DDX52: variants seen among roughly 807,000 people sequenced by gnomAD.
DDX52 encodes the protein DExD-box helicase 52, also known as probable ATP-dependent RNA helicase DDX52.
DDX52 carries 59 observed loss-of-function variants against 76.1 expected under a neutral mutation model. The observed-to-expected ratio is 0.78, with a 90% CI of 0.63 to 0.96. The LOEUF (loss-of-function observed/expected upper bound fraction) is 0.96, where lower values mean the gene tolerates loss of function less well. Among genes scored for constraint, DDX52 ranks in the 40% least tolerant of loss-of-function variants. DDX52 has a pLI of 0.00. For synonymous variants in DDX52, 231 were observed against 244.1 expected (o/e 0.95, Z 0.50); for missense variants, 707 against 703.9 (o/e 1.00, Z -0.05).
chr17:37,625,136 G>C (rs545970860), intron 8 of DDX52, among the ~76,000 whole-genome samples: 2 of 152,112 alleles, frequency 1.3e-5, no homozygotes, highest in South Asian at 2.1e-4. Flanking sequence ...CTCCCAAGTA[G>C]CTGGGATTAC....
Position 37,611,309 on chromosome 17 carries a change from ATGTG to A in DDX52, c.*2983_*2986del. The A allele has an allele frequency of 6.6e-6, 1 of 152,350 alleles. No individual in the cohort carries two copies. Among genetic ancestry groups the A allele is most frequent in the African/African-American group, 2.4e-5 (1 of 41,574 alleles). 9.4% of individuals were successfully genotyped at this position (152,350 alleles called of 1,614,324 possible). ...CCTGACCTTTTGTATGCCTAGCATA[ATGTG>A]TGTGTTTGTGCCATGGTTTTTAACA... On this transcript the variant is annotated 3_prime_UTR_variant, in exon 15 of 15. Transcript: ENST00000617633.
chr17:37,611,353 G>A lies in DDX52; in HGVS notation c.*2943C>T, dbSNP rs1401741409. Reference sequence around the variant, plus strand: ...GGTTTTTAACAAAAAAGTTTTAGAAGTAAATAGTAAAACAAAACAAACAAA... The same window carrying A: ...GGTTTTTAACAAAAAAGTTTTAGAAATAAATAGTAAAACAAAACAAACAAA... On this transcript the variant is annotated 3_prime_UTR_variant, in exon 15 of 15. Transcript: ENST00000617633. 1 of 151,772 alleles carries A rather than the reference G, an allele frequency of 6.6e-6. No individual in the cohort carries two copies. Among genetic ancestry groups the A allele is most frequent in the African/African-American group, 2.4e-5 (1 of 41,232 alleles). The allele number at this position is 151,772 out of a possible 1,614,324, so 9.4% of individuals were successfully genotyped here. A position where few individuals can be genotyped will look rare whatever the true frequency, so the allele number is the denominator to read the frequency against.
At chr17:37,623,127 C>T (rs1433185410) in intron 9 of DDX52, among the ~76,000 whole-genome samples, 1 of 152,214 alleles carries the variant, frequency 6.6e-6, no homozygotes, top group Non-Finnish European at 1.5e-5. Flanking sequence ...AATGTCTCAC[C>T]ACTAAGGCTG....
chr17:37,630,264 C>G, intron 4 of DDX52, 91 bp from the exon 5 acceptor site: 1 of 1,310,928 alleles, frequency 7.6e-7, no homozygotes, highest in East Asian at 2.5e-5. Context: ...TAGAAAAAAA[C>G]AAATACAATT....
intron 2 of DDX52, among the ~76,000 whole-genome samples, chr17:37,636,600 G>A (rs910258769): frequency 1.3e-5 from 2 of 152,184 alleles, no homozygotes; most frequent in Non-Finnish European, 2.9e-5. Context: ...TTTGAAAACA[G>A]CAACATGAAT....
chr17:37,643,130 C>G lies in DDX52; in HGVS notation c.87+204G>C, dbSNP rs1238498394. The G allele has an allele frequency of 1.0e-5, 5 of 485,194 alleles. No homozygotes were observed. The South Asian group carries it at 1.3e-4, about 12-fold the overall frequency. The allele number at this position is 485,194 out of a possible 1,614,324, so 30.1% of individuals were successfully genotyped here. Reference sequence around the variant, plus strand: ...GTGCCAGGCCCAACTAGGTCTACAACAGGATAGTTAAAGAGCTTATTCAAA... The same window carrying G: ...GTGCCAGGCCCAACTAGGTCTACAAGAGGATAGTTAAAGAGCTTATTCAAA... On this transcript the variant is annotated intron_variant, in intron 1 of 14. Transcript: ENST00000617633.
At chr17:37,625,233 T>C (rs1382553267) in intron 8 of DDX52, among the ~76,000 whole-genome samples, 4 of 152,150 alleles carry the variant, frequency 2.6e-5, no homozygotes, top group African/African-American at 7.2e-5. Flanking sequence ...CCTCAGGCGA[T>C]CTACCTGCCT....
rs1280217264 is a variant in DDX52, at chr17:37,612,939, A to G, written c.*1357T>C. ...ATCTGTTTGCATGAACAAACAAAAAAATCATATTCTTGTAAGTATTTTTAC... is the reference window on the plus strand; with the variant it reads ...ATCTGTTTGCATGAACAAACAAAAAGATCATATTCTTGTAAGTATTTTTAC... On this transcript the variant is annotated 3_prime_UTR_variant, in exon 15 of 15. Coordinates refer to ENST00000617633, the MANE Select transcript of DDX52 (RefSeq NM_007010.5). 1 of 152,202 alleles carries G rather than the reference A, an allele frequency of 6.6e-6. No individual in the cohort carries two copies. The highest frequency in any genetic ancestry group is 1.5e-5 in the Non-Finnish European group (1 of 68,018). 9.4% of individuals were successfully genotyped at this position (152,202 alleles called of 1,614,324 possible).
At chr17:37,617,067 T>C (rs910733396) in intron 14 of DDX52, among the ~76,000 whole-genome samples, 2 of 152,200 alleles carry the variant, frequency 1.3e-5, no homozygotes, top group Non-Finnish European at 2.9e-5. Context: ...AAAGCCAGTC[T>C]CTAATTTTCT....
chr17:37,622,591 G>A (rs2030160413), intron 9 of DDX52, among the ~76,000 whole-genome samples: 1 of 152,102 alleles, frequency 6.6e-6, no homozygotes, highest in African/African-American at 2.4e-5. Flanking sequence ...ACCACGCCTG[G>A]CCGAGTTTCT....
intron 9 of DDX52, among the ~76,000 whole-genome samples, chr17:37,621,903 T>TA (rs1358520891): frequency 1.3e-5 from 2 of 152,190 alleles, no homozygotes; most frequent in South Asian, 2.1e-4. Flanking sequence ...GGGGTGAAAT[T>TA]AATTTTTTTA....
chr17:37,616,364 G>A (rs1442137138), intron 14 of DDX52, among the ~76,000 whole-genome samples: 1 of 152,086 alleles, frequency 6.6e-6, no homozygotes, highest in Non-Finnish European at 1.5e-5. Context: ...TAAAAATGTT[G>A]GCCAGGTGCA....
intron 12 of DDX52, 98 bp downstream of exon 12, chr17:37,620,775 G>T (rs1382769426): frequency 8.3e-7 from 1 of 1,201,638 alleles, no homozygotes; most frequent in South Asian, 1.7e-5. Context: ...AGTAGAATTT[G>T]GGACATAGCC....
At position 37,611,164 on chromosome 17, in the gene DDX52, C is replaced by T. The variant is rs556253894; in HGVS notation, c.*3132G>A. 6.6e-6 allele frequency: 1 copy of T among 152,212 alleles called. No individual in the cohort carries two copies. The highest frequency in any genetic ancestry group is 1.5e-5 in the Non-Finnish European group (1 of 68,048). The allele number at this position is 152,212 out of a possible 1,614,324, so 9.4% of individuals were successfully genotyped here. Reference sequence around the variant, plus strand: ...GTGATGCTTTAGCATCATGGCCTTACATCTAACAGAGCACTTGCCACACTA... The same window carrying T: ...GTGATGCTTTAGCATCATGGCCTTATATCTAACAGAGCACTTGCCACACTA... On this transcript the variant is annotated 3_prime_UTR_variant, in exon 15 of 15. Coordinates refer to ENST00000617633, the MANE Select transcript of DDX52 (RefSeq NM_007010.5).
At chr17:37,643,272 G>A in intron 1 of DDX52, 62 bp downstream of exon 1, 3 of 1,543,118 alleles carry the variant, frequency 1.9e-6, no homozygotes, top group Non-Finnish European at 2.7e-6. Context: ...CCAGCAGCGG[G>A]TTCATTCCCG....
intron 2 of DDX52, among the ~76,000 whole-genome samples, chr17:37,638,446 G>A (rs185525164): frequency 2.0e-4 from 30 of 152,288 alleles, no homozygotes; most frequent in African/African-American, 6.5e-4. Context: ...TAGTATTGGT[G>A]TACAAATACA....
At chr17:37,620,462 T>C (rs912592126) in intron 12 of DDX52, 1 of 168,196 alleles carries the variant, frequency 5.9e-6, no homozygotes, top group African/African-American at 2.4e-5. Flanking sequence ...ACCAAAATAT[T>C]TACCAAAACT....
intron 14 of DDX52, among the ~76,000 whole-genome samples, chr17:37,615,968 C>G (rs1178672973): frequency 6.6e-6 from 1 of 151,140 alleles, no homozygotes; most frequent in Non-Finnish European, 1.5e-5. Context: ...GAGCCGAGAT[C>G]GTGCCACTGC....
At chr17:37,622,878 G>A (rs2030175203) in intron 9 of DDX52, among the ~76,000 whole-genome samples, 1 of 152,154 alleles carries the variant, frequency 6.6e-6, no homozygotes, top group Non-Finnish European at 1.5e-5. Context: ...TATATAATAA[G>A]TACTATGCTT....
Sources: allele counts gnomAD v4.1 joint callset (sites outside exome capture counted in the v4.1 genomes callset), GRCh38; gene constraint gnomAD v4.1.1; transcripts MANE v1.5; gene names NCBI Gene and HGNC (gene_info 2026-07-23, HGNC 2026-07-21).